PCSK2: variants seen among roughly 807,000 people sequenced by gnomAD.
PCSK2 encodes the protein proprotein convertase subtilisin/kexin type 2, also known as neuroendocrine convertase 2.
PCSK2 carries 14 observed loss-of-function variants against 69.7 expected under a neutral mutation model. The ratio of observed to expected loss-of-function variants is 0.20; its 90% CI spans 0.13 to 0.31. The LOEUF is 0.31. Ranked by LOEUF, PCSK2 falls within the 10% of genes least tolerant of loss-of-function variation. The probability of loss-of-function intolerance (pLI) is 1.00; values close to 1 mark genes in which losing one functional copy is unlikely to be tolerated. For synonymous variants in PCSK2, 307 were observed against 320.7 expected, an observed-to-expected ratio of 0.96 and a Z score of 0.46; for missense variants, 544 against 842.5, an observed-to-expected ratio of 0.65 and a Z score of 4.39.
At chr20:17,324,006 G>A (rs975417080) in intron 2 of PCSK2, among the ~76,000 whole-genome samples, 3 of 152,186 alleles carry the variant, frequency 2.0e-5, no homozygotes, top group Admixed American at 6.5e-5. Flanking sequence ...ATGATTGATG[G>A]GAGTTGGTGG....
intron 2 of PCSK2, among the ~76,000 whole-genome samples, chr20:17,306,605 G>A (rs1001893190): frequency 2.0e-5 from 3 of 152,144 alleles, no homozygotes; most frequent in African/African-American, 7.2e-5. Flanking sequence ...GACACTGTTC[G>A]CATAGGAACA....
chr20:17,246,328 T>C (rs1872988327), intron 1 of PCSK2, among the ~76,000 whole-genome samples: 1 of 152,194 alleles, frequency 6.6e-6, no homozygotes, highest in South Asian at 2.1e-4. Context: ...ATTTCCTTAC[T>C]ATAAAGTGTG....
chr20:17,287,715 G>T (rs62202209), intron 2 of PCSK2, among the ~76,000 whole-genome samples: 6,572 of 152,308 alleles, frequency 0.043, 234 homozygotes, highest in Non-Finnish European at 0.062. Flanking sequence ...TTTCTCAGGA[G>T]AGCACCAATC....
At chr20:17,432,291 A>G (rs78584107) in intron 7 of PCSK2, among the ~76,000 whole-genome samples, 4,675 of 152,218 alleles carry the variant, frequency 0.031, 148 homozygotes, top group African/African-American at 0.079. Flanking sequence ...AACCCATTTT[A>G]ATCAATGCAA....
At chr20:17,227,571 TTCTC>T in intron 1 of PCSK2, 89 bp downstream of exon 1, 1 of 947,290 alleles carries the variant, frequency 1.1e-6, no homozygotes, top group South Asian at 1.6e-5. Context: ...TTTGCAAGTT[TTCTC>T]TCTTTCTCAT....
chr20:17,358,369 C>T lies in PCSK2; in HGVS notation c.325C>T (p.Arg109Ter), dbSNP rs1173212112. 2 of 1,613,026 alleles carry T rather than the reference C, an allele frequency of 1.2e-6. No homozygotes were observed. The highest frequency in any genetic ancestry group is 1.7e-5 in the Admixed American group (1 of 60,004). Residue 109 changes from arginine to a stop codon, truncating the protein, a stop_gained, in exon 3 of 12, where the codon CGA becomes TGA. Coordinates refer to ENST00000262545, the MANE Select transcript of PCSK2 (RefSeq NM_002594.5). LOFTEE classifies it high-confidence loss of function. The part of the protein sequence containing the change: ...LQQEGFDRKK[R>*]GYRDINEIDI... ...GCAGGAAGGATTTGACCGAAAAAAGCGAGGTTACAGAGACATCAATGAGAT... is the reference window on the plus strand; with the variant it reads ...GCAGGAAGGATTTGACCGAAAAAAGTGAGGTTACAGAGACATCAATGAGAT...
At chr20:17,243,515 T>C (rs1372744963) in intron 1 of PCSK2, among the ~76,000 whole-genome samples, 2 of 152,234 alleles carry the variant, frequency 1.3e-5, no homozygotes, top group Non-Finnish European at 2.9e-5. Context: ...ATTATAGCAA[T>C]AGGAGTCCAC....
chr20:17,340,131 C>T (rs1990468567), intron 2 of PCSK2, among the ~76,000 whole-genome samples: 1 of 152,230 alleles, frequency 6.6e-6, no homozygotes, highest in Admixed American at 6.5e-5. Flanking sequence ...CCTCCTGAGG[C>T]TCCTCAGTAA....
intron 5 of PCSK2, among the ~76,000 whole-genome samples, chr20:17,378,656 GATGA>G: frequency 6.6e-6 from 1 of 151,490 alleles, no homozygotes. Context: ...TGGATGGATG[GATGA>G]TTGGATGGAT....
intron 10 of PCSK2, among the ~76,000 whole-genome samples, chr20:17,460,164 G>A (rs1170270080): frequency 6.6e-6 from 1 of 151,538 alleles, no homozygotes; most frequent in Non-Finnish European, 1.5e-5. Flanking sequence ...CAGCCACCAT[G>A]TTTACATTTC....
chr20:17,425,407 C>T (rs2032225539), intron 6 of PCSK2, among the ~76,000 whole-genome samples: 1 of 152,112 alleles, frequency 6.6e-6, no homozygotes, highest in African/African-American at 2.4e-5. Flanking sequence ...GACAAGGCAG[C>T]CATTTTTTTT....
chr20:17,452,347 T>C (rs1003758812), intron 8 of PCSK2, among the ~76,000 whole-genome samples: 12 of 152,214 alleles, frequency 7.9e-5, no homozygotes, highest in Non-Finnish European at 4.4e-5. Context: ...ATGCTGAGAA[T>C]AGTTCCCAGC....
rs760366160 is a variant in PCSK2 at position 17,369,303 on chromosome 20, G to T, written c.543+26G>T. The stretch of plus-strand genomic sequence containing the variant: ...GTAAGTACAAGCCAACTTTGGTGGG[G>T]AAACAGATGCATCTTAAATGTCCTG... On this transcript the variant is annotated intron_variant, in intron 5 of 11. Transcript: ENST00000262545. The T allele has an allele frequency of 3.6e-5, 58 of 1,600,820 alleles. No homozygotes were observed. In the East Asian group the frequency reaches 1.3e-3, roughly 35 times the overall value.
intron 2 of PCSK2, among the ~76,000 whole-genome samples, chr20:17,283,208 G>C (rs73897861): frequency 0.018 from 2,793 of 152,244 alleles, 89 homozygotes; most frequent in African/African-American, 0.064. Flanking sequence ...CTGATAGAAA[G>C]ATGATAGATA....
chr20:17,319,795 G>A (rs1453710885), intron 2 of PCSK2, among the ~76,000 whole-genome samples: 1 of 152,138 alleles, frequency 6.6e-6, no homozygotes, highest in Non-Finnish European at 1.5e-5. Context: ...AATCATGTAA[G>A]CATGTGCCAA....
At chr20:17,368,092 T>C (rs1451598919) in intron 4 of PCSK2, among the ~76,000 whole-genome samples, 2 of 152,178 alleles carry the variant, frequency 1.3e-5, no homozygotes, top group Non-Finnish European at 2.9e-5. Context: ...AAAAATTTCT[T>C]TTCAGAAATA....
intron 2 of PCSK2, among the ~76,000 whole-genome samples, chr20:17,306,325 C>A (rs540870365): frequency 3.6e-4 from 55 of 151,878 alleles, no homozygotes; most frequent in Admixed American, 3.5e-3. Flanking sequence ...TATGCCCCCC[C>A]AAAAAAACGC....
At chr20:17,348,103 G>GAA (rs765746199) in intron 2 of PCSK2, among the ~76,000 whole-genome samples, 11 of 143,196 alleles carry the variant, frequency 7.7e-5, no homozygotes, top group Admixed American at 1.4e-4. Flanking sequence ...AAGAAAGAAA[G>GAA]AAAAGAAAAG....
At chr20:17,326,267 C>T (rs1208542210) in intron 2 of PCSK2, among the ~76,000 whole-genome samples, 1 of 152,128 alleles carries the variant, frequency 6.6e-6, no homozygotes, top group Non-Finnish European at 1.5e-5. Context: ...CCTCCATCAG[C>T]GTGTATGTTG....
Sources: gnomAD v4.1 joint callset for allele counts (sites outside exome capture counted in the v4.1 genomes callset) on GRCh38, gnomAD v4.1.1 for gene constraint, MANE v1.5 for transcripts, NCBI Gene and HGNC (gene_info 2026-07-23, HGNC 2026-07-21) for gene names.